The following GBE1 variants were observed in gnomAD, a reference collection of about 807,000 sequenced individuals.
GBE1 encodes 1,4-alpha-glucan branching enzyme 1.
Under a neutral mutation model 88.8 loss-of-function variants are expected in GBE1, and 70 were observed. The observed-to-expected ratio is 0.79, with a 90% confidence interval of 0.65 to 0.96. GBE1 has a LOEUF of 0.96. Ranked by LOEUF, GBE1 falls within the 40% of genes least tolerant of loss-of-function variation. The pLI is 0.00. For synonymous variants in GBE1, 284 were observed against 300.1 expected (o/e 0.95, Z 0.56); for missense variants, 872 against 871.0 (o/e 1.00, Z -0.01).
chr3:81,523,049 T>A lies in GBE1; in HGVS notation c.1934+12146A>T, dbSNP rs146516346. On this transcript the variant is annotated intron_variant, in intron 14 of 15. Coordinates refer to ENST00000429644, the MANE Select transcript of GBE1 (RefSeq NM_000158.4). ...CAGAAGACCCAATTTGTGTCAAGAT[T>A]TTCAAAACCGAACCAGGCTTTCATA... 2.8e-3 allele frequency among the ~76,000 whole-genome samples: 431 copies of A among 151,516 alleles called. 3 individuals carry two copies. Among genetic ancestry groups the A allele is most frequent in the Admixed American group, 3.8e-3 (57 of 15,148 alleles).
chr3:81,673,300 G>C (rs1011186250), intron 2 of GBE1, among the ~76,000 whole-genome samples: 2 of 151,802 alleles, frequency 1.3e-5, no homozygotes, highest in African/African-American at 2.4e-5. Context: ...GGTATAGTTC[G>C]TTAGTTCATT....
chr3:81,737,335 A>ATAAATATATATT (rs1706273801), intron 1 of GBE1, among the ~76,000 whole-genome samples: 7 of 87,166 alleles, frequency 8.0e-5, no homozygotes, highest in African/African-American at 3.3e-4. Flanking sequence ...ATATATTTTT[A>ATAAATATATATT]TATATATTTA....
intron 1 of GBE1, among the ~76,000 whole-genome samples, chr3:81,726,980 T>G (rs1356513968): frequency 6.6e-6 from 1 of 152,176 alleles, no homozygotes; most frequent in Non-Finnish European, 1.5e-5. Flanking sequence ...GTCTACGTCA[T>G]GGTGACTTAT....
intron 12 of GBE1, among the ~76,000 whole-genome samples, chr3:81,566,523 C>T (rs2106917228): frequency 6.6e-6 from 1 of 152,242 alleles, no homozygotes; most frequent in Admixed American, 6.5e-5. Context: ...AACCAAGAGG[C>T]TGGATCAATT....
intron 8 of GBE1, 70 bp downstream of exon 8, chr3:81,593,838 C>T (rs1703915189): frequency 1.4e-6 from 1 of 732,850 alleles, no homozygotes; most frequent in African/African-American, 1.9e-5. Flanking sequence ...CTAATAAAAA[C>T]CAAGACACCA....
intron 7 of GBE1, among the ~76,000 whole-genome samples, chr3:81,595,789 CTG>C (rs1245356351): frequency 3.3e-5 from 5 of 151,880 alleles, no homozygotes; most frequent in African/African-American, 1.2e-4. Flanking sequence ...AGGAAATAAA[CTG>C]TGTTTAAAAT....
intron 8 of GBE1, among the ~76,000 whole-genome samples, chr3:81,593,329 C>T (rs1054898036): frequency 4.1e-4 from 62 of 150,470 alleles, no homozygotes; most frequent in East Asian, 2.0e-4. Flanking sequence ...CACACCACTG[C>T]GCTCCAGCCT....
intron 8 of GBE1, 83 bp from the exon 9 acceptor site, chr3:81,591,247 G>A: frequency 9.2e-7 from 1 of 1,089,260 alleles, no homozygotes; most frequent in Non-Finnish European, 1.3e-6. Context: ...CAATTAGTTT[G>A]TTTATATGAA....
chr3:81,547,898 T>C (rs1400689583), intron 12 of GBE1, among the ~76,000 whole-genome samples: 1 of 151,332 alleles, frequency 6.6e-6, no homozygotes, highest in Non-Finnish European at 1.5e-5. Context: ...CCCAGAAAAC[T>C]GGTCGGTTAC....
At chr3:81,745,975 T>C (rs960948595) in intron 1 of GBE1, among the ~76,000 whole-genome samples, 5 of 152,084 alleles carry the variant, frequency 3.3e-5, no homozygotes, top group African/African-American at 7.2e-5. Context: ...TGGAATAAAC[T>C]AAAGGCTAAT....
At chr3:81,545,612 A>ATG (rs1396513501) in intron 12 of GBE1, among the ~76,000 whole-genome samples, 7 of 90,790 alleles carry the variant, frequency 7.7e-5, no homozygotes, top group Non-Finnish European at 1.4e-4. Flanking sequence ...GATATCAAGC[A>ATG]TATGTGTGTG....
intron 4 of GBE1, 52 bp downstream of exon 4, chr3:81,649,744 C>A: frequency 6.7e-7 from 1 of 1,487,988 alleles, no homozygotes; most frequent in Non-Finnish European, 9.1e-7. Context: ...TAAAAATTAA[C>A]TTTCCTAGAA....
chr3:81,695,850 G>A (rs3849573), intron 2 of GBE1, among the ~76,000 whole-genome samples: 19,028 of 152,010 alleles, frequency 0.13, 1,351 homozygotes, highest in Non-Finnish European at 0.17. Context: ...CTTCCTGATC[G>A]CTAAATAATA....
rs778264033 is a variant in GBE1, at chr3:81,643,025, A to C, written c.783-35T>G. 4 of 1,427,352 alleles carry C rather than the reference A, an allele frequency of 2.8e-6. No homozygotes were observed. In the South Asian group the frequency reaches 4.8e-5, roughly 17 times the overall value. 88.4% of individuals were successfully genotyped at this position (1,427,352 alleles called of 1,614,324 possible). Reference sequence around the variant, plus strand: ...AAGAACACAGCAAAAAGAAGATTACATCACATTTAGAGGAAACAGCCGATT... The same window carrying C: ...AAGAACACAGCAAAAAGAAGATTACCTCACATTTAGAGGAAACAGCCGATT... On this transcript the variant is annotated intron_variant, in intron 6 of 15. Transcript: ENST00000429644.
intron 14 of GBE1, among the ~76,000 whole-genome samples, chr3:81,509,957 A>C (rs1432251221): frequency 2.6e-5 from 4 of 152,068 alleles, no homozygotes; most frequent in Non-Finnish European, 5.9e-5. Context: ...GAAGCAATTA[A>C]TTCTCAAGTT....
intron 1 of GBE1, among the ~76,000 whole-genome samples, chr3:81,709,631 A>G (rs1705828288): frequency 6.6e-6 from 1 of 152,232 alleles, no homozygotes; most frequent in African/African-American, 2.4e-5. Context: ...AGTTTAAAAA[A>G]TAATCATTTT....
intron 1 of GBE1, among the ~76,000 whole-genome samples, chr3:81,721,966 T>C (rs989176784): frequency 1.3e-5 from 2 of 152,212 alleles, no homozygotes; most frequent in African/African-American, 4.8e-5. Flanking sequence ...GCTACTTTAC[T>C]AAGGGCACTC....
chr3:81,687,040 A>C (rs1415460122), intron 2 of GBE1, among the ~76,000 whole-genome samples: 2 of 152,192 alleles, frequency 1.3e-5, no homozygotes, highest in African/African-American at 4.8e-5. Context: ...GGTTATCTTT[A>C]AAAGTTCGAA....
In GBE1 at chr3:81,586,190, C is replaced by G. The variant is rs752711257; in HGVS notation, c.1237G>C (p.Asp413His). Residue 413 changes from aspartate to histidine, a missense_variant and splice_region_variant, in exon 10 of 16, where the codon GAT becomes CAT. Physicochemically the swap from Asp to His is moderately conservative, Grantham distance 81. Coordinates refer to ENST00000429644, the MANE Select transcript of GBE1 (RefSeq NM_000158.4). ...LCPDSITIAEDVSGMPALCSP... is the reference protein window; with the variant it reads ...LCPDSITIAEHVSGMPALCSP... The stretch of plus-strand genomic sequence containing the variant: ...CACAGAGCTGGCATTCCTGATACAT[C>G]CTACAACAAAGAACGTCGGTTCATA... The G allele has an allele frequency of 6.3e-7, 1 of 1,590,012 alleles. No homozygotes were observed. Among genetic ancestry groups the G allele is most frequent in the Non-Finnish European group, 8.6e-7 (1 of 1,166,808 alleles).
Sources: gnomAD v4.1 joint callset for allele counts (sites outside exome capture counted in the v4.1 genomes callset) on GRCh38, gnomAD v4.1.1 for gene constraint, MANE v1.5 for transcripts, NCBI Gene and HGNC (gene_info 2026-07-23, HGNC 2026-07-21) for gene names.